Variants in CCDC73 observed in about 807,000 individuals in gnomAD.
CCDC73 encodes coiled-coil domain-containing protein 73.
CCDC73 carries 95 observed loss-of-function variants against 116.5 expected under a neutral mutation model. The ratio of observed to expected loss-of-function variants is 0.82; its 90% CI spans 0.69 to 0.97. CCDC73 has a LOEUF of 0.97. Among genes scored for constraint, CCDC73 ranks in the 50% least tolerant of loss-of-function variants. The pLI is 0.00. For synonymous variants in CCDC73, 398 were observed against 401.3 expected, an observed-to-expected ratio of 0.99 and a Z score of 0.10; for missense variants, 1,066 against 1,206.8, an observed-to-expected ratio of 0.88 and a Z score of 1.73.
intron 9 of CCDC73, among the ~76,000 whole-genome samples, chr11:32,666,987 A>C (rs1855989726): frequency 6.6e-6 from 1 of 152,192 alleles, no homozygotes; most frequent in Admixed American, 6.5e-5. Flanking sequence ...ATCGCTCAAC[A>C]GCAAATGTTG....
Position 32,603,069 on chromosome 11 carries a change from T to C in CCDC73, c.3031-49A>G, listed in dbSNP as rs182178507. 2.9e-5 allele frequency: 42 copies of C among 1,457,756 alleles called. 1 individual carries two copies. The East Asian group carries it at 9.0e-4, about 31-fold the overall frequency. 90.3% of individuals were successfully genotyped at this position (1,457,756 alleles called of 1,614,324 possible). ...CCTTCGAAATTATTATACAAAAGAT[T>C]TTAAAGAGTCTGTAAAGCCTCTGCA... On this transcript the variant is annotated intron_variant, in intron 17 of 17. Coordinates refer to ENST00000335185, the MANE Select transcript of CCDC73 (RefSeq NM_001008391.4).
chr11:32,801,188 C>T, the CCDC73 span, among the ~76,000 whole-genome samples: 1 of 152,194 alleles, frequency 6.6e-6, no homozygotes, highest in African/African-American at 2.4e-5. Context: ...TGGCAGACAT[C>T]TGCTCATATC....
chr11:32,797,408 T>G (rs1250842942), upstream of CCDC73, among the ~76,000 whole-genome samples: 1 of 152,166 alleles, frequency 6.6e-6, no homozygotes, highest in Non-Finnish European at 1.5e-5. Flanking sequence ...TTGCCTTTCT[T>G]TGTACATGCT....
At chr11:32,759,150 A>T (rs1850368605) in intron 2 of CCDC73, among the ~76,000 whole-genome samples, 1 of 146,746 alleles carries the variant, frequency 6.8e-6, no homozygotes, top group African/African-American at 2.5e-5. Context: ...GTCCTAGTGA[A>T]CTCATTTCTA....
At chr11:32,755,655 CTCCATATATATGTGTATATAT>C (rs1850330810) in intron 2 of CCDC73, among the ~76,000 whole-genome samples, 1 of 71,432 alleles carries the variant, frequency 1.4e-5, no homozygotes. Context: ...ATATATATAT[CTCCATATATATGTGTATATAT>C]ATATCTCCAT....
upstream of CCDC73, among the ~76,000 whole-genome samples, chr11:32,796,424 A>C (rs1013782357): frequency 6.6e-6 from 1 of 152,232 alleles, no homozygotes; most frequent in Non-Finnish European, 1.5e-5. Flanking sequence ...CAATGAGCTA[A>C]GTGTTTTTAC....
At chr11:32,730,808 CA>C (rs1355047009) in intron 2 of CCDC73, among the ~76,000 whole-genome samples, 2 of 152,146 alleles carry the variant, frequency 1.3e-5, no homozygotes, top group Non-Finnish European at 2.9e-5. Context: ...CCAAGAAGGA[CA>C]AATAGGAATA....
chr11:32,812,488 A>G, the CCDC73 span, among the ~76,000 whole-genome samples: 3 of 152,108 alleles, frequency 2.0e-5, no homozygotes, highest in Admixed American at 1.3e-4. Context: ...CAACATGGAG[A>G]AACCCTGTCT....
chr11:32,621,336 T>C (rs1327266832), intron 14 of CCDC73, among the ~76,000 whole-genome samples: 1 of 151,960 alleles, frequency 6.6e-6, no homozygotes, highest in Non-Finnish European at 1.5e-5. Context: ...TACAGACCAA[T>C]GAAACAGAAT....
chr11:32,770,535 C>T (rs757182987), intron 1 of CCDC73, among the ~76,000 whole-genome samples: 1 of 151,908 alleles, frequency 6.6e-6, no homozygotes, highest in Non-Finnish European at 1.5e-5. Flanking sequence ...AACAAGGATG[C>T]TATGAAAAAA....
intron 9 of CCDC73, among the ~76,000 whole-genome samples, chr11:32,663,335 G>A (rs1185605511): frequency 1.3e-5 from 2 of 152,146 alleles, no homozygotes; most frequent in African/African-American, 4.8e-5. Flanking sequence ...TGTTCCATTT[G>A]TTTGTGTCCT....
chr11:32,792,921 A>C (rs1850689748), intron 1 of CCDC73, among the ~76,000 whole-genome samples: 1 of 152,196 alleles, frequency 6.6e-6, no homozygotes, highest in Non-Finnish European at 1.5e-5. Context: ...GGATTAAATG[A>C]GATAACTTCC....
chr11:32,674,788 T>C (rs116294924), intron 9 of CCDC73, among the ~76,000 whole-genome samples: 115 of 152,250 alleles, frequency 7.6e-4, no homozygotes, highest in African/African-American at 2.7e-3. Flanking sequence ...ATGTTTGTGT[T>C]CTCCTGCCAA....
chr11:32,652,287 G>A (rs1484930793), intron 12 of CCDC73, among the ~76,000 whole-genome samples: 1 of 145,276 alleles, frequency 6.9e-6, no homozygotes, highest in African/African-American at 2.6e-5. Flanking sequence ...CTGGGTGACA[G>A]AACAAGACTC....
intron 9 of CCDC73, among the ~76,000 whole-genome samples, chr11:32,672,782 TGTACTCTTAA>T (rs1016891064): frequency 2.0e-5 from 3 of 152,194 alleles, no homozygotes; most frequent in Admixed American, 6.5e-5. Flanking sequence ...ATATATTAAT[TGTACTCTTAA>T]GTAGTTTGCT....
intron 2 of CCDC73, among the ~76,000 whole-genome samples, chr11:32,741,798 A>G (rs1035281602): frequency 1.3e-5 from 2 of 151,932 alleles, no homozygotes; most frequent in African/African-American, 2.4e-5. Context: ...TCCTAATGTT[A>G]TCCCTCCCCT....
intron 1 of CCDC73, among the ~76,000 whole-genome samples, chr11:32,779,250 C>T (rs1850561698): frequency 7.4e-6 from 1 of 136,050 alleles, no homozygotes; most frequent in Admixed American, 8.3e-5. Flanking sequence ...TCCAATTATG[C>T]CTTCATGTGG....
chr11:32,721,443 A>T lies in CCDC73; in HGVS notation c.136-3296T>A, dbSNP rs114178433. Among the ~76,000 whole-genome samples the T allele has an allele frequency of 7.1e-3, 1,086 of 152,288 alleles. 16 individuals are homozygous for T. Among genetic ancestry groups the T allele is most frequent in the African/African-American group, 0.025 (1,047 of 41,566 alleles). ...ATATGTGATAAAGCAAAAATAGAAA[A>T]ATATTAATGTTATATGAGTGTTCAC... is the stretch of plus-strand genomic sequence containing the variant. On this transcript the variant is annotated intron_variant, in intron 2 of 17. Transcript: ENST00000335185.
chr11:32,733,453 C>T lies in CCDC73; in HGVS notation c.136-15306G>A, dbSNP rs1008661997. 3.3e-5 allele frequency among the ~76,000 whole-genome samples: 5 copies of T among 152,156 alleles called. No individual in the cohort carries two copies. In the East Asian group the frequency reaches 5.8e-4, roughly 18 times the overall value. The stretch of plus-strand genomic sequence containing the variant: ...ATCTACAGAACTCTCCACCCCAAAT[C>T]GACATAATATACATTCTTCTCAGCA... On this transcript the variant is annotated intron_variant, in intron 2 of 17. Coordinates refer to ENST00000335185, the MANE Select transcript of CCDC73 (RefSeq NM_001008391.4).
Sources: allele counts gnomAD v4.1 joint callset (sites outside exome capture counted in the v4.1 genomes callset), GRCh38; gene constraint gnomAD v4.1.1; transcripts MANE v1.5; gene names NCBI Gene and HGNC (gene_info 2026-07-23, HGNC 2026-07-21).